The following ASAP1 variants were observed in gnomAD, a reference collection of about 807,000 sequenced individuals.
ASAP1 encodes the protein ArfGAP with SH3 domain, ankyrin repeat and PH domain 1, also known as arf-GAP with SH3 domain, ANK repeat and PH domain-containing protein 1.
ASAP1 carries 43 observed loss-of-function variants against 145.2 expected under a neutral mutation model. The observed-to-expected ratio is 0.30, with a 90% CI of 0.23 to 0.38. The LOEUF (loss-of-function observed/expected upper bound fraction) is 0.38, where lower values mean the gene tolerates loss of function less well. Ranked by LOEUF, ASAP1 falls within the 10% of genes least tolerant of loss-of-function variation. ASAP1 has a pLI of 1.00. For missense variants in ASAP1, 1,018 were observed against 1,355.3 expected (o/e 0.75, Z 3.91); for synonymous variants, 546 against 515.5 (o/e 1.06, Z -0.80).
intron 2 of ASAP1, among the ~76,000 whole-genome samples, chr8:130,366,113 G>A (rs141978847): frequency 5.3e-5 from 8 of 152,258 alleles, no homozygotes; most frequent in African/African-American, 1.9e-4. Context: ...TGGTTCCCAA[G>A]GGTTTCCCAC....
Position 130,317,887 on chromosome 8 carries a change from G to A in ASAP1, c.186+40130C>T, listed in dbSNP as rs946554924. Among the ~76,000 whole-genome samples the A allele has an allele frequency of 5.9e-5, 9 of 152,334 alleles. No individual in the cohort carries two copies. In the South Asian group the frequency reaches 6.2e-4, roughly 11 times the overall value. Reference sequence around the variant, plus strand: ...GCAAGAAGGACCCTATAATCCTGAGGAGGAGGGAGTGGAGAGGAGAGCTGA... The same window carrying A: ...GCAAGAAGGACCCTATAATCCTGAGAAGGAGGGAGTGGAGAGGAGAGCTGA... On this transcript the variant is annotated intron_variant, in intron 3 of 29. Coordinates refer to ENST00000518721, the MANE Select transcript of ASAP1 (RefSeq NM_018482.4).
intron 3 of ASAP1, among the ~76,000 whole-genome samples, chr8:130,291,599 G>C (rs887088554): frequency 6.6e-6 from 1 of 152,218 alleles, no homozygotes; most frequent in Non-Finnish European, 1.5e-5. Context: ...GAGGGGAAAA[G>C]GAAGGGGAAG....
At chr8:130,344,098 T>C (rs1355873805) in intron 3 of ASAP1, among the ~76,000 whole-genome samples, 2 of 152,164 alleles carry the variant, frequency 1.3e-5, no homozygotes, top group Non-Finnish European at 2.9e-5. Context: ...TAAATGACAG[T>C]GCAGGGTTGC....
At chr8:130,417,429 G>A (rs749827436) in intron 1 of ASAP1, among the ~76,000 whole-genome samples, 4 of 152,214 alleles carry the variant, frequency 2.6e-5, no homozygotes, top group Admixed American at 6.5e-5. Context: ...TCCATTGTCA[G>A]CCCGTTTCCT....
chr8:130,133,423 G>A (rs1306440565), intron 15 of ASAP1, among the ~76,000 whole-genome samples: 16 of 152,102 alleles, frequency 1.1e-4, no homozygotes, highest in East Asian at 3.9e-4. Flanking sequence ...TTGGGAGGCC[G>A]AGGCGGGTGG....
intron 4 of ASAP1, 42 bp from the exon 5 acceptor site, chr8:130,214,743 T>A: frequency 6.7e-7 from 1 of 1,502,764 alleles, no homozygotes; most frequent in East Asian, 2.3e-5. Context: ...GAACTATTAT[T>A]TGCCACAATG....
At chr8:130,131,329 A>G (rs2097582652) in intron 15 of ASAP1, among the ~76,000 whole-genome samples, 2 of 152,160 alleles carry the variant, frequency 1.3e-5, no homozygotes, top group African/African-American at 4.8e-5. Context: ...AATAAACTCA[A>G]TGATGCAGTG....
chr8:130,428,430 TCATCACCAC>T (rs1830010411), intron 1 of ASAP1, among the ~76,000 whole-genome samples: 1 of 104,734 alleles, frequency 9.5e-6, no homozygotes. Context: ...ACCATCATCA[TCATCACCAC>T]CACCACCATC....
At chr8:130,217,920 A>G (rs77959101) in intron 4 of ASAP1, among the ~76,000 whole-genome samples, 4,039 of 152,274 alleles carry the variant, frequency 0.027, 64 homozygotes, top group Middle Eastern at 0.044. Context: ...CAGCAGTCCA[A>G]TGAAACGAAA....
chr8:130,419,560 C>T (rs1412210141), intron 1 of ASAP1, among the ~76,000 whole-genome samples: 2 of 152,170 alleles, frequency 1.3e-5, no homozygotes, highest in African/African-American at 4.8e-5. Flanking sequence ...AAGGAAGCTG[C>T]GCAGCCACTG....
intron 29 of ASAP1, among the ~76,000 whole-genome samples, chr8:130,057,541 C>T (rs145963150): frequency 0.1 from 15,692 of 152,076 alleles, 955 homozygotes; most frequent in South Asian, 0.28. Flanking sequence ...CTGTGCCTCC[C>T]GGGTTCAAGC....
At chr8:130,139,263 G>C (rs1419138624) in intron 13 of ASAP1, among the ~76,000 whole-genome samples, 2 of 152,168 alleles carry the variant, frequency 1.3e-5, no homozygotes, top group Non-Finnish European at 2.9e-5. Flanking sequence ...GTTGTTATTG[G>C]GAAGGTTGGG....
chr8:130,181,565 T>C (rs773260887), intron 7 of ASAP1, among the ~76,000 whole-genome samples: 27 of 152,208 alleles, frequency 1.8e-4, no homozygotes, highest in Non-Finnish European at 5.9e-5. Context: ...TATTTCCACA[T>C]TCCAAGAATA....
intron 3 of ASAP1, among the ~76,000 whole-genome samples, chr8:130,283,170 A>G (rs530850369): frequency 1.3e-5 from 2 of 152,320 alleles, no homozygotes; most frequent in South Asian, 2.1e-4. Context: ...GGAGAGAGGA[A>G]AAATATATCC....
intron 4 of ASAP1, among the ~76,000 whole-genome samples, chr8:130,216,931 G>A (rs1207565884): frequency 6.6e-6 from 1 of 152,144 alleles, no homozygotes; most frequent in Non-Finnish European, 1.5e-5. Context: ...CAGCAGTCTG[G>A]TACCAACACA....
intron 5 of ASAP1, chr8:130,195,093 C>T (rs1586568412): frequency 6.6e-6 from 1 of 152,130 alleles, no homozygotes; most frequent in African/African-American, 2.4e-5. Context: ...ACTCTATCTC[C>T]ATTTACTCAA....
chr8:130,156,412 T>G (rs1205037644), intron 12 of ASAP1, among the ~76,000 whole-genome samples: 1 of 152,244 alleles, frequency 6.6e-6, no homozygotes, highest in Non-Finnish European at 1.5e-5. Context: ...AACAGCTCTG[T>G]CTGTATCTCT....
chr8:130,343,978 T>G (rs1825547986), intron 3 of ASAP1, among the ~76,000 whole-genome samples: 1 of 152,244 alleles, frequency 6.6e-6, no homozygotes, highest in Admixed American at 6.5e-5. Flanking sequence ...TAAATTTTCT[T>G]CTTTTATACT....
At chr8:130,110,922 C>G (rs1486534997) in intron 24 of ASAP1, among the ~76,000 whole-genome samples, 1 of 152,102 alleles carries the variant, frequency 6.6e-6, no homozygotes. Context: ...ACAGGGAGAA[C>G]CCTGCATTTG....
Sources: allele counts gnomAD v4.1 joint callset (sites outside exome capture counted in the v4.1 genomes callset), GRCh38; gene constraint gnomAD v4.1.1; transcripts MANE v1.5; gene names NCBI Gene and HGNC (gene_info 2026-07-23, HGNC 2026-07-21).